The following PCDH10 variants were observed in gnomAD, a reference collection of about 807,000 sequenced individuals.
PCDH10 encodes the protein protocadherin-10.
A neutral mutation model predicts 74.4 loss-of-function variants in PCDH10; 15 were observed. That is an observed-to-expected ratio of 0.20 (90% CI 0.13 to 0.31). PCDH10 has a LOEUF of 0.31. Ranked by LOEUF, PCDH10 falls within the 10% of genes least tolerant of loss-of-function variation. The pLI is 1.00. For synonymous variants in PCDH10, 619 were observed against 589.8 expected (o/e 1.05, Z -0.72); for missense variants, 1,260 against 1,390.2 (o/e 0.91, Z 1.49).
At chr4:133,188,075 C>G (rs1399299023) in intron 4 of PCDH10, among the ~76,000 whole-genome samples, 1 of 152,072 alleles carries the variant, frequency 6.6e-6, no homozygotes, top group Non-Finnish European at 1.5e-5. Flanking sequence ...TCCTCTAAAT[C>G]AGCATTTTCT....
At chr4:133,160,815 A>C (rs1488335377) in intron 3 of PCDH10, among the ~76,000 whole-genome samples, 1 of 151,896 alleles carries the variant, frequency 6.6e-6, no homozygotes, top group Non-Finnish European at 1.5e-5. Context: ...TCAGCTATTC[A>C]AATTGAGTAT....
At chr4:133,161,159 G>A (rs564210799) in intron 3 of PCDH10, among the ~76,000 whole-genome samples, 9 of 152,132 alleles carry the variant, frequency 5.9e-5, no homozygotes, top group African/African-American at 1.9e-4. Flanking sequence ...TTCAGCTGAC[G>A]TTTCCGTTCC....
rs1438472974 is a variant in PCDH10, at chr4:133,150,251, C to A, written c.111C>A (p.Ile37=). ...EQEHGTFVGN[I]AEDLGLDITK... ...AACATGGCACTTTCGTGGGGAATAT[C>A]GCTGAAGATCTGGGTCTGGACATTA... Residue 37 remains isoleucine (I), a synonymous_variant, in exon 1 of 5, where the codon ATC becomes ATA. Transcript: ENST00000264360. 3.7e-6 allele frequency: 6 copies of A among 1,613,926 alleles called. No individual in the cohort carries two copies. Among genetic ancestry groups the A allele is most frequent in the East Asian group, 2.2e-5 (1 of 44,840 alleles).
intron 1 of PCDH10, chr4:133,153,167 A>G: frequency 8.8e-7 from 1 of 1,133,576 alleles, no homozygotes; most frequent in Non-Finnish European, 1.1e-6. Flanking sequence ...TGTCCCAGGC[A>G]TTAATAAAGT....
chr4:133,200,089 C>A (rs1021818689), intron 2 of PCDH10, among the ~76,000 whole-genome samples: 1 of 151,890 alleles, frequency 6.6e-6, no homozygotes, highest in South Asian at 2.1e-4. Context: ...TGAGCCACCG[C>A]GCCCGGCCTT....
At chr4:133,199,118 CA>C (rs1262957852), downstream of PCDH10, among the ~76,000 whole-genome samples, 1 of 150,864 alleles carries the variant, frequency 6.6e-6, no homozygotes, top group Non-Finnish European at 1.5e-5. Flanking sequence ...CCTGTCCCTA[CA>C]AAAAAAATTT....
intron 4 of PCDH10, among the ~76,000 whole-genome samples, chr4:133,179,795 G>A (rs1351771439): frequency 6.6e-6 from 1 of 151,900 alleles, no homozygotes; most frequent in Non-Finnish European, 1.5e-5. Context: ...AACTGTGTCT[G>A]GAACAAAGTA....
In PCDH10 at chr4:133,190,362, T is replaced by C. The variant is rs1727634690; in HGVS notation, c.*202T>C. On this transcript the variant is annotated 3_prime_UTR_variant, in exon 5 of 5. Transcript: ENST00000264360. ...AGAAATGAGTTGAAATGTGCAGAAC[T>C]GTAGAAACTTTAGAGGCAACAGATT... 1.7e-6 allele frequency: 1 copy of C among 601,418 alleles called. No individual in the cohort carries two copies. The highest frequency in any genetic ancestry group is 3.0e-6 in the Non-Finnish European group (1 of 330,314). 37.3% of individuals were successfully genotyped at this position (601,418 alleles called of 1,614,324 possible).
chr4:133,164,136 C>G (rs1727032302), intron 4 of PCDH10: 2 of 398,524 alleles, frequency 5.0e-6, no homozygotes, highest in Non-Finnish European at 9.8e-6. Context: ...TGATGTACCA[C>G]TTTAGCACTT....
intron 4 of PCDH10, chr4:133,163,973 C>T (rs1727028063): frequency 4.4e-6 from 2 of 451,244 alleles, no homozygotes; most frequent in Non-Finnish European, 8.9e-6. Flanking sequence ...TGGCTATTAA[C>T]CTGGACATAG....
At chr4:133,205,277 A>G (rs138054602) in intron 2 of PCDH10, among the ~76,000 whole-genome samples, 139 of 152,314 alleles carry the variant, frequency 9.1e-4, no homozygotes, top group African/African-American at 3.3e-3. Context: ...CTCTGTGAAC[A>G]CTTGAAGAAT....
At chr4:133,178,455 C>T (rs557262848) in intron 4 of PCDH10, among the ~76,000 whole-genome samples, 6 of 151,952 alleles carry the variant, frequency 3.9e-5, no homozygotes, top group Admixed American at 1.3e-4. Context: ...AGGCTGGTCT[C>T]GAACTCTCGA....
chr4:133,154,865 T>A (rs1578559815), intron 2 of PCDH10, 52 bp from the exon 3 acceptor site: 1 of 1,241,790 alleles, frequency 8.1e-7, no homozygotes, highest in East Asian at 2.3e-5. Context: ...AAGAATGTTT[T>A]CTGTGTTTCT....
rs1014632415 is a variant in PCDH10, at chr4:133,193,438, A to G, written c.*3278A>G. On this transcript the variant is annotated 3_prime_UTR_variant, in exon 5 of 5. Coordinates refer to ENST00000264360, the MANE Select transcript of PCDH10 (RefSeq NM_032961.3). Reference sequence around the variant, plus strand: ...TTTGTTAATTGGATTGTAATTTGCCATCAGATTCTCTGTATTATAGAAGCT... The same window carrying G: ...TTTGTTAATTGGATTGTAATTTGCCGTCAGATTCTCTGTATTATAGAAGCT... 1.9e-4 allele frequency: 29 copies of G among 151,708 alleles called. No homozygotes were observed. Among genetic ancestry groups the G allele is most frequent in the African/African-American group, 7.0e-4 (29 of 41,440 alleles). The allele number at this position is 151,708 out of a possible 1,614,324, so 9.4% of individuals were successfully genotyped here.
At chr4:133,168,179 G>T (rs115592510) in intron 4 of PCDH10, among the ~76,000 whole-genome samples, 2 of 151,054 alleles carry the variant, frequency 1.3e-5, no homozygotes, top group Non-Finnish European at 3.0e-5. Flanking sequence ...TTTAGTTGTT[G>T]TATAGTCGTC....
intron 4 of PCDH10, among the ~76,000 whole-genome samples, chr4:133,176,841 C>A (rs1487220606): frequency 6.6e-6 from 1 of 151,876 alleles, no homozygotes; most frequent in African/African-American, 2.4e-5. Flanking sequence ...AGTAAAGATA[C>A]TTGGTTATAT....
chr4:133,159,856 T>C (rs1271809872), intron 3 of PCDH10, among the ~76,000 whole-genome samples: 2 of 152,018 alleles, frequency 1.3e-5, no homozygotes, highest in South Asian at 2.1e-4. Flanking sequence ...CATTTTAATA[T>C]ATCCTAGCTA....
chr4:133,200,356 T>C (rs2125877353), intron 2 of PCDH10, among the ~76,000 whole-genome samples: 1 of 152,050 alleles, frequency 6.6e-6, no homozygotes, highest in African/African-American at 2.4e-5. Flanking sequence ...ACTCAAACCT[T>C]CTGGCATTTT....
chr4:133,201,772 C>A (rs1177450179), intron 2 of PCDH10, among the ~76,000 whole-genome samples: 1 of 141,930 alleles, frequency 7.0e-6, no homozygotes, highest in Non-Finnish European at 1.5e-5. Context: ...AAGAGAATCG[C>A]TTGAACCTGG....
Sources: allele counts gnomAD v4.1 joint callset (sites outside exome capture counted in the v4.1 genomes callset), GRCh38; gene constraint gnomAD v4.1.1; transcripts MANE v1.5; gene names NCBI Gene and HGNC (gene_info 2026-07-23, HGNC 2026-07-21).